The following PCBD2 variants were observed in gnomAD, a reference collection of about 807,000 sequenced individuals.
PCBD2 encodes pterin-4 alpha-carbinolamine dehydratase 2, also known as pterin-4-alpha-carbinolamine dehydratase 2.
A neutral mutation model predicts 16.4 loss-of-function variants in PCBD2; 12 were observed. That is an observed-to-expected ratio of 0.73 (90% CI 0.47 to 1.19). PCBD2 has a LOEUF of 1.19. Ranked by LOEUF, PCBD2 falls within the 50% of genes most tolerant of loss-of-function variation. The pLI, the probability that PCBD2 is intolerant of heterozygous loss-of-function variation, is 0.00. For missense variants in PCBD2, 138 were observed against 156.8 expected (o/e 0.88, Z 0.64); for synonymous variants, 58 against 61.8 (o/e 0.94, Z 0.29).
intron 1 of PCBD2, among the ~76,000 whole-genome samples, chr5:134,909,752 T>A (rs1750744281): frequency 6.6e-6 from 1 of 152,152 alleles, no homozygotes. Context: ...GTGGTAATAG[T>A]CAATCTTTGT....
intron 2 of PCBD2, among the ~76,000 whole-genome samples, chr5:134,950,690 G>A (rs903151811): frequency 6.6e-5 from 10 of 152,158 alleles, no homozygotes; most frequent in African/African-American, 2.4e-4. Context: ...TACTGTGATT[G>A]TATTGCTTAC....
intron 1 of PCBD2, among the ~76,000 whole-genome samples, chr5:134,908,081 G>A (rs1234826816): frequency 2.0e-5 from 3 of 150,908 alleles, no homozygotes; most frequent in African/African-American, 4.9e-5. Flanking sequence ...CACCACACCC[G>A]GCTATTTTTT....
intron 2 of PCBD2, among the ~76,000 whole-genome samples, chr5:134,949,089 A>G (rs1282356811): frequency 6.6e-6 from 1 of 152,140 alleles, no homozygotes; most frequent in African/African-American, 2.4e-5. Flanking sequence ...AAGGGACTGC[A>G]CAGGGAATGG....
At chr5:134,911,644 T>C (rs1750769835) in intron 2 of PCBD2, among the ~76,000 whole-genome samples, 1 of 152,202 alleles carries the variant, frequency 6.6e-6, no homozygotes, top group Non-Finnish European at 1.5e-5. Context: ...TAGAAGGGTG[T>C]GTGAGGACCA....
At chr5:134,932,117 A>T (rs539466736) in intron 2 of PCBD2, among the ~76,000 whole-genome samples, 1 of 152,338 alleles carries the variant, frequency 6.6e-6, no homozygotes, top group Admixed American at 6.5e-5. Context: ...ATAGCTGTGG[A>T]TACAGATGCA....
chr5:134,957,564 G>T (rs1212748738), intron 2 of PCBD2, among the ~76,000 whole-genome samples: 1 of 152,188 alleles, frequency 6.6e-6, no homozygotes, highest in Non-Finnish European at 1.5e-5. Flanking sequence ...CTCCTTGGGA[G>T]GCTGAGGCAG....
At chr5:134,933,508 CT>C (rs1398876048) in intron 2 of PCBD2, among the ~76,000 whole-genome samples, 2 of 152,202 alleles carry the variant, frequency 1.3e-5, no homozygotes, top group Non-Finnish European at 2.9e-5. Context: ...AGTTCTGGGA[CT>C]GTAGGCATGA....
chr5:134,924,193 C>T (rs1194890974), intron 2 of PCBD2: 6 of 395,930 alleles, frequency 1.5e-5, no homozygotes, highest in Admixed American at 4.4e-5. Context: ...TCTAAGCCTT[C>T]TCCTATTTAT....
intron 2 of PCBD2, among the ~76,000 whole-genome samples, chr5:134,922,836 GTATT>G (rs1561908501): frequency 6.6e-6 from 1 of 151,826 alleles, no homozygotes; most frequent in Non-Finnish European, 1.5e-5. Flanking sequence ...CTAATTTTTT[GTATT>G]TATTTATTTA....
At position 134,924,811 on chromosome 5, in the gene PCBD2, A is replaced by T. The variant is rs1580882751; in HGVS notation, c.216+14345A>T. 7.6e-6 allele frequency: 3 copies of T among 392,736 alleles called. No homozygotes were observed. In the East Asian group the frequency reaches 1.1e-4, roughly 14 times the overall value. The allele number at this position is 392,736 out of a possible 1,614,324, so 24.3% of individuals were successfully genotyped here. A position where few individuals can be genotyped will look rare whatever the true frequency, so the allele number is the denominator to read the frequency against. ...TAGTCAGGCCAGGTCTAGGAGGAGTAGGGGTAGGTTTTGGCTTGTAAGAAG... is the reference window on the plus strand; with the variant it reads ...TAGTCAGGCCAGGTCTAGGAGGAGTTGGGGTAGGTTTTGGCTTGTAAGAAG... On this transcript the variant is annotated intron_variant, in intron 2 of 3. Transcript: ENST00000254908.
At position 134,962,588 on chromosome 5, in the gene PCBD2, T is replaced by G. The variant is rs1443237391; in HGVS notation, c.*1907T>G. ...CTTATGAAGCTAAAGTTGATTTGGA[T>G]TTTAGCTGCCGTTACTACTTATATA... On this transcript the variant is annotated 3_prime_UTR_variant, in exon 4 of 4. Coordinates refer to ENST00000254908, the MANE Select transcript of PCBD2 (RefSeq NM_032151.5). Among the ~76,000 whole-genome samples, 1 of 152,152 alleles carries G rather than the reference T, an allele frequency of 6.6e-6. No individual in the cohort carries two copies. The highest frequency in any genetic ancestry group is 1.9e-4 in the East Asian group (1 of 5,186).
Position 134,960,903 on chromosome 5 carries a change from A to T in PCBD2, c.*222A>T. The T allele has an allele frequency of 2.5e-6, 1 of 404,130 alleles. No individual in the cohort carries two copies. The highest frequency in any genetic ancestry group is 2.9e-5 in the South Asian group (1 of 34,426). 25.0% of individuals were successfully genotyped at this position (404,130 alleles called of 1,614,324 possible). ...TGCCTCAGCCTCCTGAGTAGCTGGG[A>T]TTACAAGCACGTGTCACCACGCCTG... On this transcript the variant is annotated 3_prime_UTR_variant, in exon 4 of 4. Transcript: ENST00000254908.
intron 2 of PCBD2, among the ~76,000 whole-genome samples, chr5:134,932,901 A>G (rs1016987510): frequency 6.6e-6 from 1 of 152,128 alleles, no homozygotes; most frequent in Non-Finnish European, 1.5e-5. Flanking sequence ...TTTATAGGTC[A>G]CTCATACTCC....
chr5:134,910,843 T>C (rs1750760765), intron 2 of PCBD2, among the ~76,000 whole-genome samples: 1 of 152,168 alleles, frequency 6.6e-6, no homozygotes, highest in Admixed American at 6.5e-5. Flanking sequence ...CAGGCTGGAG[T>C]ACAGTGGTAT....
chr5:134,925,227 A>G (rs2149533242), intron 2 of PCBD2: 1 of 398,574 alleles, frequency 2.5e-6, no homozygotes, highest in East Asian at 3.6e-5. Context: ...CGATGAGAGT[A>G]ATAGACAGGG....
intron 2 of PCBD2, among the ~76,000 whole-genome samples, chr5:134,936,564 A>G (rs1262517383): frequency 6.6e-6 from 1 of 152,212 alleles, no homozygotes; most frequent in Non-Finnish European, 1.5e-5. Flanking sequence ...TCCTGTGTGG[A>G]AAGCAGAAAC....
At chr5:134,919,763 T>G (rs1750880163) in intron 2 of PCBD2, among the ~76,000 whole-genome samples, 1 of 152,246 alleles carries the variant, frequency 6.6e-6, no homozygotes, top group Non-Finnish European at 1.5e-5. Context: ...AATAATAACT[T>G]AAAAGTATTT....
At chr5:134,950,733 C>T (rs1475629323) in intron 2 of PCBD2, among the ~76,000 whole-genome samples, 3 of 152,134 alleles carry the variant, frequency 2.0e-5, no homozygotes, top group Non-Finnish European at 2.9e-5. Context: ...CTTAAAAAGT[C>T]ATACTTCATC....
chr5:134,905,531 T>C (rs1328414152), intron 1 of PCBD2: 1 of 278,474 alleles, frequency 3.6e-6, no homozygotes. Context: ...ATGTGAAAAG[T>C]AGTTGCAGAA....
Sources: gnomAD v4.1 joint callset for allele counts (sites outside exome capture counted in the v4.1 genomes callset) on GRCh38, gnomAD v4.1.1 for gene constraint, MANE v1.5 for transcripts, NCBI Gene and HGNC (gene_info 2026-07-23, HGNC 2026-07-21) for gene names.